Variants in PCDH15 observed in about 807,000 individuals in gnomAD.
The protein encoded by PCDH15 is protocadherin-15.
In PCDH15, 129 loss-of-function variants were observed where a neutral mutation model predicts 178.5. The ratio of observed to expected loss-of-function variants is 0.72; its 90% CI spans 0.63 to 0.84. PCDH15 has a LOEUF of 0.84. Ranked by LOEUF, PCDH15 falls within the 40% of genes least tolerant of loss-of-function variation. The pLI is 0.00. For missense variants in PCDH15, 2,230 were observed against 2,099.9 expected (o/e 1.06, Z -1.21); for synonymous variants, 800 against 732.0 (o/e 1.09, Z -1.50).
chr10:54,635,123 T>C (rs2093813197), intron 2 of PCDH15, among the ~76,000 whole-genome samples: 1 of 150,942 alleles, frequency 6.6e-6, no homozygotes, highest in African/African-American at 2.4e-5. Flanking sequence ...ACGTGATATA[T>C]AGTTTTTCTT....
chr10:55,521,332 C>T (rs1329688253), intron 2 of PCDH15, among the ~76,000 whole-genome samples: 1 of 151,962 alleles, frequency 6.6e-6, no homozygotes, highest in Non-Finnish European at 1.5e-5. Context: ...CCCCATTAAA[C>T]TCATCATAAA....
intron 2 of PCDH15, among the ~76,000 whole-genome samples, chr10:54,908,569 A>G (rs1439710036): frequency 6.6e-6 from 1 of 152,304 alleles, no homozygotes; most frequent in Non-Finnish European, 1.5e-5. Context: ...ATATCGTGTT[A>G]CAGTTACAGC....
chr10:54,262,580 G>A (rs180700477), intron 8 of PCDH15, among the ~76,000 whole-genome samples: 2 of 152,198 alleles, frequency 1.3e-5, no homozygotes, highest in African/African-American at 2.4e-5. Flanking sequence ...GCTCAGTCCC[G>A]TGAGCCCAGT....
intron 2 of PCDH15, among the ~76,000 whole-genome samples, chr10:55,412,268 T>A (rs187995276): frequency 6.6e-6 from 1 of 152,038 alleles, no homozygotes; most frequent in Non-Finnish European, 1.5e-5. Flanking sequence ...ATACAATTAA[T>A]AATTTTTTAG....
At chr10:55,345,936 T>G (rs1844742879) in intron 2 of PCDH15, among the ~76,000 whole-genome samples, 2 of 152,114 alleles carry the variant, frequency 1.3e-5, no homozygotes, top group Non-Finnish European at 2.9e-5. Context: ...AGTCATTAGA[T>G]TACTCACCAT....
At chr10:53,935,566 A>G (rs2085498445) in intron 25 of PCDH15, among the ~76,000 whole-genome samples, 1 of 152,162 alleles carries the variant, frequency 6.6e-6, no homozygotes, top group Non-Finnish European at 1.5e-5. Context: ...ATTTTATGGG[A>G]GCATAGCCAA....
At chr10:55,398,898 T>C (rs931557565) in intron 2 of PCDH15, among the ~76,000 whole-genome samples, 2 of 152,062 alleles carry the variant, frequency 1.3e-5, no homozygotes, top group Non-Finnish European at 2.9e-5. Context: ...TGCACTCTTA[T>C]GGGATAAGAA....
At chr10:53,835,986 C>A (rs2077283688) in intron 29 of PCDH15, among the ~76,000 whole-genome samples, 1 of 152,088 alleles carries the variant, frequency 6.6e-6, no homozygotes, top group African/African-American at 2.4e-5. Context: ...ATTCCCCAGA[C>A]CTTTATCTCA....
intron 2 of PCDH15, among the ~76,000 whole-genome samples, chr10:54,631,806 G>T (rs1048569912): frequency 1.3e-5 from 2 of 151,992 alleles, no homozygotes; most frequent in African/African-American, 4.8e-5. Flanking sequence ...TTCATAAGGA[G>T]GCAGGAAGGA....
intron 3 of PCDH15, among the ~76,000 whole-genome samples, chr10:54,873,448 A>T (rs896100572): frequency 6.6e-6 from 1 of 150,430 alleles, no homozygotes; most frequent in Non-Finnish European, 1.5e-5. Context: ...GTTTTGTGAT[A>T]AAAAATCTAA....
At chr10:55,272,913 A>G (rs1187031262) in intron 1 of PCDH15, among the ~76,000 whole-genome samples, 1 of 152,044 alleles carries the variant, frequency 6.6e-6, no homozygotes, top group Non-Finnish European at 1.5e-5. Context: ...AATACTCCGA[A>G]CATATCTTTA....
chr10:54,023,637 TTA>T (rs753898490), intron 18 of PCDH15, among the ~76,000 whole-genome samples: 167 of 149,214 alleles, frequency 1.1e-3, no homozygotes, highest in Non-Finnish European at 1.7e-3. Context: ...ATGTTACACA[TTA>T]TGTTTGTTTA....
chr10:53,875,333 G>T (rs1001500136), intron 26 of PCDH15, among the ~76,000 whole-genome samples: 9 of 79,692 alleles, frequency 1.1e-4, no homozygotes, highest in Admixed American at 3.4e-4. Context: ...TTTAGTAATG[G>T]CATAAATAAT....
intron 1 of PCDH15, among the ~76,000 whole-genome samples, chr10:54,688,844 C>T (rs1048908486): frequency 1.3e-5 from 2 of 152,042 alleles, no homozygotes; most frequent in South Asian, 2.1e-4. Context: ...GTTGTCTCTC[C>T]ATAGAATAAA....
At chr10:54,969,272 G>A (rs1364832566) in intron 2 of PCDH15, among the ~76,000 whole-genome samples, 1 of 152,018 alleles carries the variant, frequency 6.6e-6, no homozygotes, top group Non-Finnish European at 1.5e-5. Flanking sequence ...ATCCTTTTTG[G>A]TATGGCTTTT....
chr10:54,358,297 A>C (rs1371178619), intron 5 of PCDH15, among the ~76,000 whole-genome samples: 1 of 151,834 alleles, frequency 6.6e-6, no homozygotes, highest in Admixed American at 6.6e-5. Flanking sequence ...AGAATCTACA[A>C]TGAACTCAAA....
intron 3 of PCDH15, among the ~76,000 whole-genome samples, chr10:54,853,316 T>TATATAC (rs1554806802): frequency 2.3e-3 from 263 of 115,098 alleles, no homozygotes; most frequent in African/African-American, 9.0e-3. Context: ...TATATATATA[T>TATATAC]ATACATACAC....
chr10:55,463,410 CT>C (rs2132095388), intron 2 of PCDH15, among the ~76,000 whole-genome samples: 1 of 152,172 alleles, frequency 6.6e-6, no homozygotes, highest in African/African-American at 2.4e-5. Flanking sequence ...ATTTTGAAGG[CT>C]GAGGAAGGAG....
intron 2 of PCDH15, among the ~76,000 whole-genome samples, chr10:54,954,362 T>G (rs1838425373): frequency 6.6e-6 from 1 of 151,248 alleles, no homozygotes; most frequent in Non-Finnish European, 1.5e-5. Flanking sequence ...TTCTAATATC[T>G]TCCTACAGGT....
Sources: gnomAD v4.1 joint callset for allele counts (sites outside exome capture counted in the v4.1 genomes callset) on GRCh38, gnomAD v4.1.1 for gene constraint, MANE v1.5 for transcripts, NCBI Gene and HGNC (gene_info 2026-07-23, HGNC 2026-07-21) for gene names.